NPAS3: variants seen among roughly 807,000 people sequenced by gnomAD.
NPAS3 encodes neuronal PAS domain protein 3.
NPAS3 carries 14 observed loss-of-function variants against 73.1 expected under a neutral mutation model. That is an observed-to-expected ratio of 0.19 (90% CI 0.13 to 0.30). The LOEUF is 0.30. NPAS3 is among the 10% of genes least tolerant of loss of function. The probability of loss-of-function intolerance (pLI) is 1.00; values close to 1 mark genes in which losing one functional copy is unlikely to be tolerated. For synonymous variants in NPAS3, 620 were observed against 541.5 expected, an observed-to-expected ratio of 1.14 and a Z score of -2.01; for missense variants, 1,096 against 1,250.0, an observed-to-expected ratio of 0.88 and a Z score of 1.86.
At chr14:33,083,598 C>G (rs1183124768) in intron 2 of NPAS3, among the ~76,000 whole-genome samples, 1 of 152,168 alleles carries the variant, frequency 6.6e-6, no homozygotes, top group Non-Finnish European at 1.5e-5. Flanking sequence ...GCAGTTCAAA[C>G]AAATTCTATG....
chr14:33,233,565 A>T (rs2047928992), intron 3 of NPAS3, among the ~76,000 whole-genome samples: 1 of 152,184 alleles, frequency 6.6e-6, no homozygotes, highest in Non-Finnish European at 1.5e-5. Context: ...CCTGTCATCA[A>T]TCATTCATTT....
At chr14:33,355,531 C>T (rs1057144807) in intron 3 of NPAS3, among the ~76,000 whole-genome samples, 10 of 152,206 alleles carry the variant, frequency 6.6e-5, no homozygotes, top group African/African-American at 2.4e-4. Flanking sequence ...ACCCCTTGAC[C>T]TCATGATCCG....
chr14:33,513,606 T>C (rs1454286864), intron 4 of NPAS3, among the ~76,000 whole-genome samples: 1 of 152,038 alleles, frequency 6.6e-6, no homozygotes, highest in Admixed American at 6.6e-5. Flanking sequence ...TACGAAGTGG[T>C]AAAGCCAGGA....
At position 33,613,884 on chromosome 14, in the gene NPAS3, C is replaced by CT. The variant is rs76984873; in HGVS notation, c.558+53675dup. ...ATATTTTCATGTTGGCATTTTCCTT[C>CT]TCCCCCCTCTTATAGGGTAATTACC... On this transcript the variant is annotated intron_variant, in intron 5 of 11. Transcript: ENST00000356141. Among the ~76,000 whole-genome samples the CT allele has an allele frequency of 0.013, 2,052 of 152,282 alleles. 102 individuals carry two copies. In the East Asian group the frequency reaches 0.19, roughly 14 times the overall value.
At position 33,573,021 on chromosome 14, in the gene NPAS3, CA is replaced by C. The variant is rs1172844613; in HGVS notation, c.558+12833del. ...CTGGAGACAGAGTGAGACTTCTTCTCAAAAAAAAAAAAAAAAAAAAAAGTTA... is the reference window on the plus strand; with the variant it reads ...CTGGAGACAGAGTGAGACTTCTTCTCAAAAAAAAAAAAAAAAAAAAAGTTA... On this transcript the variant is annotated intron_variant, in intron 5 of 11. Coordinates refer to ENST00000356141, the Ensembl canonical transcript of NPAS3. Among the ~76,000 whole-genome samples, 278 of 61,582 alleles carry C rather than the reference CA, an allele frequency of 4.5e-3. 1 individual carries two copies. Among genetic ancestry groups the C allele is most frequent in the South Asian group, 9.5e-3 (16 of 1,676 alleles). The allele number at this position is 61,582 out of a possible 152,430, so 40.4% of individuals were successfully genotyped here.
chr14:33,484,564 A>T (rs1595000627), intron 4 of NPAS3, among the ~76,000 whole-genome samples: 1 of 152,164 alleles, frequency 6.6e-6, no homozygotes, highest in African/African-American at 2.4e-5. Flanking sequence ...CTCACACCGA[A>T]TCCCCCACAT....
intron 5 of NPAS3, among the ~76,000 whole-genome samples, chr14:33,614,486 G>C (rs1039453083): frequency 6.6e-6 from 1 of 152,194 alleles, no homozygotes; most frequent in Admixed American, 6.5e-5. Flanking sequence ...GCACAGCCCT[G>C]GAGAGGTGAG....
upstream of NPAS3, among the ~76,000 whole-genome samples, chr14:32,938,485 TTGAGAGAGAG>T (rs1259800309): frequency 1.4e-4 from 3 of 21,750 alleles, no homozygotes; most frequent in Non-Finnish European, 2.6e-4. Flanking sequence ...GAGAGAGAAA[TTGAGAGAGAG>T]AGAGAGAGAG....
Position 33,587,867 on chromosome 14 carries a change from G to A in NPAS3, c.558+27657G>A, listed in dbSNP as rs77425027. Among the ~76,000 whole-genome samples, 2,015 of 152,274 alleles carry A rather than the reference G, an allele frequency of 0.013. 107 individuals are homozygous for A. The East Asian group carries it at 0.19, about 15-fold the overall frequency. ...CAACAGCTATGTCTGCACCAGTTACGTTAAGGAGCACTACAGAACCTCAAA... is the reference window on the plus strand; with the variant it reads ...CAACAGCTATGTCTGCACCAGTTACATTAAGGAGCACTACAGAACCTCAAA... On this transcript the variant is annotated intron_variant, in intron 5 of 11. Coordinates refer to ENST00000356141, the Ensembl canonical transcript of NPAS3.
chr14:33,316,234 A>C (rs891750180), intron 3 of NPAS3, among the ~76,000 whole-genome samples: 1 of 152,110 alleles, frequency 6.6e-6, no homozygotes, highest in African/African-American at 2.4e-5. Flanking sequence ...CAAAGTTTGC[A>C]TAACAGGTTT....
At chr14:33,669,058 A>C (rs2052473753) in intron 5 of NPAS3, among the ~76,000 whole-genome samples, 1 of 152,238 alleles carries the variant, frequency 6.6e-6, no homozygotes, top group African/African-American at 2.4e-5. Context: ...ATAATGGATT[A>C]ACTATGCCAA....
chr14:33,698,426 T>C (rs1200564243), intron 6 of NPAS3, among the ~76,000 whole-genome samples: 2 of 152,238 alleles, frequency 1.3e-5, no homozygotes, highest in Admixed American at 6.5e-5. Flanking sequence ...TCATTTATCA[T>C]AGCTTAACTT....
chr14:33,404,249 C>G (rs1180955756), intron 4 of NPAS3, among the ~76,000 whole-genome samples: 1 of 152,070 alleles, frequency 6.6e-6, no homozygotes, highest in African/African-American at 2.4e-5. Context: ...TGTTGCTATA[C>G]TACGTGTGGT....
intron 3 of NPAS3, among the ~76,000 whole-genome samples, chr14:33,255,306 G>C (rs552019422): frequency 6.6e-6 from 1 of 152,176 alleles, no homozygotes; most frequent in East Asian, 1.9e-4. Context: ...TTCTAAGCAT[G>C]GTGAAACTTT....
chr14:33,661,861 A>G (rs1021299590), intron 5 of NPAS3, among the ~76,000 whole-genome samples: 1 of 152,150 alleles, frequency 6.6e-6, no homozygotes, highest in African/African-American at 2.4e-5. Context: ...TTTACTTTTG[A>G]TAAGTTTTCA....
At chr14:32,946,912 C>T (rs911746931) in intron 1 of NPAS3, among the ~76,000 whole-genome samples, 1 of 152,134 alleles carries the variant, frequency 6.6e-6, no homozygotes, top group Non-Finnish European at 1.5e-5. Flanking sequence ...AAAGAGATTA[C>T]ATCTGATTAC....
rs201700880 is a variant in NPAS3 at position 33,735,184 on chromosome 14, C to T, written c.734-30C>T. On this transcript the variant is annotated intron_variant, in intron 6 of 11. Transcript: ENST00000356141. The stretch of plus-strand genomic sequence containing the variant: ...TGAGGGGCTGTGTCAAGATCTAAAT[C>T]GTGTGTGTCTGTATTTTTGTATTCC... 535 of 1,492,188 alleles carry T rather than the reference C, an allele frequency of 3.6e-4. 1 individual carries two copies. Among genetic ancestry groups the T allele is most frequent in the Admixed American group, 4.2e-4 (25 of 59,822 alleles). 92.4% of individuals were successfully genotyped at this position (1,492,188 alleles called of 1,614,324 possible). A position where few individuals can be genotyped will look rare whatever the true frequency, so the allele number is the denominator to read the frequency against.
rs115267533 is a variant in NPAS3, at chr14:33,587,395, C to T, written c.558+27185C>T. 6.9e-3 allele frequency among the ~76,000 whole-genome samples: 1,043 copies of T among 152,242 alleles called. 9 individuals are homozygous for T. Among genetic ancestry groups the T allele is most frequent in the African/African-American group, 0.023 (975 of 41,548 alleles). On this transcript the variant is annotated intron_variant, in intron 5 of 11. Transcript: ENST00000356141. ...AAGATGTGATCATAGATGCTGGAAC[C>T]AACTGTCTAGTGCAAGCCCTAGTTC...
intron 4 of NPAS3, among the ~76,000 whole-genome samples, chr14:33,510,929 C>A (rs1277801808): frequency 1.3e-5 from 2 of 151,998 alleles, no homozygotes; most frequent in African/African-American, 4.8e-5. Context: ...GTCACTTAGG[C>A]ATAGGTAGAG....
Sources: allele counts gnomAD v4.1 joint callset (sites outside exome capture counted in the v4.1 genomes callset), GRCh38; gene constraint gnomAD v4.1.1; transcripts MANE v1.5; gene names NCBI Gene and HGNC (gene_info 2026-07-23, HGNC 2026-07-21).